The following PPP1R11 variants were observed in gnomAD, a reference collection of about 807,000 sequenced individuals.
The protein encoded by PPP1R11 is protein phosphatase 1 regulatory inhibitor subunit 11.
PPP1R11 carries 10 observed loss-of-function variants against 11.3 expected under a neutral mutation model. The ratio of observed to expected loss-of-function variants is 0.88; its 90% CI spans 0.55 to 1.50. The LOEUF is 1.50. Among genes scored for constraint, PPP1R11 ranks in the 40% most tolerant of loss-of-function variants. The probability of loss-of-function intolerance (pLI) is 0.00; values close to 1 mark genes in which losing one functional copy is unlikely to be tolerated. For synonymous variants in PPP1R11, 56 were observed against 62.3 expected, an observed-to-expected ratio of 0.90 and a Z score of 0.48; for missense variants, 114 against 179.1, an observed-to-expected ratio of 0.64 and a Z score of 2.07.
chr6:30,063,081 T>C (rs947653592), upstream of PPP1R11, among the ~76,000 whole-genome samples: 2 of 152,170 alleles, frequency 1.3e-5, no homozygotes, highest in Non-Finnish European at 2.9e-5. This position sits in a 1 kb window ranked among gnomAD's most constrained non-coding sequence, Gnocchi z 4.1. Flanking sequence ...GCAGTCACTA[T>C]AGTATATCAA....
chr6:30,065,510 T>G (rs1251176283), upstream of PPP1R11, among the ~76,000 whole-genome samples: 1 of 152,212 alleles, frequency 6.6e-6, no homozygotes, highest in Non-Finnish European at 1.5e-5. The surrounding 1 kb of genome is among the most constrained non-coding windows in gnomAD (Gnocchi z 5.3). Context: ...GTATTATAAG[T>G]ATATAATACA....
chr6:30,069,072 C>A lies in PPP1R11; in HGVS notation c.179-32C>A. On this transcript the variant is annotated intron_variant, in intron 2 of 2. Transcript: ENST00000376772. The surrounding 1 kb of genome is among the most constrained non-coding windows in gnomAD (Gnocchi z 6.6). ...CTGACTATATATCTTACCCTTCCTCCTCTTTAACTGGGCTCCTCCCTCTAA... is the reference window on the plus strand; with the variant it reads ...CTGACTATATATCTTACCCTTCCTCATCTTTAACTGGGCTCCTCCCTCTAA... 1 of 1,540,476 alleles carries A rather than the reference C, an allele frequency of 6.5e-7. No individual in the cohort carries two copies. Among genetic ancestry groups the A allele is most frequent in the Non-Finnish European group, 9.0e-7 (1 of 1,115,626 alleles).
At chr6:30,068,481 C>T in intron 1 of PPP1R11, 109 bp from the exon 2 acceptor site, 1 of 818,970 alleles carries the variant, frequency 1.2e-6, no homozygotes, top group Non-Finnish European at 2.0e-6. Flanking sequence ...GGTGCTATGC[C>T]TATGGTACTG....
chr6:30,062,730 T>A (rs962378845), upstream of PPP1R11, among the ~76,000 whole-genome samples: 9 of 118,290 alleles, frequency 7.6e-5, no homozygotes, highest in South Asian at 2.8e-4. Context: ...TTTTTTTTTT[T>A]TTTTTTTTTT....
upstream of PPP1R11, chr6:30,065,054 G>A (rs1022819075): frequency 1.0e-4 from 23 of 221,950 alleles, no homozygotes; most frequent in African/African-American, 4.8e-4. This position sits in a 1 kb window ranked among gnomAD's most constrained non-coding sequence, Gnocchi z 5.3. Context: ...AAAAGCAATT[G>A]TAAGTATTGC....
At chr6:30,068,847 G>A in intron 2 of PPP1R11, 149 bp downstream of exon 2, 1 of 782,690 alleles carries the variant, frequency 1.3e-6, no homozygotes, top group East Asian at 2.7e-5. Context: ...AGGGAAAGAG[G>A]TAGGGAAGGG....
At position 30,068,266 on chromosome 6, in the gene PPP1R11, T is replaced by A. The variant is rs370265694; in HGVS notation, c.70-324T>A. ...GGACTGAAAAATAATTTTCATGTATTAATACTACCAAGGATGATTTGGGGA... is the reference window on the plus strand; with the variant it reads ...GGACTGAAAAATAATTTTCATGTATAAATACTACCAAGGATGATTTGGGGA... On this transcript the variant is annotated intron_variant, in intron 1 of 2. Coordinates refer to ENST00000376772, the MANE Select transcript of PPP1R11 (RefSeq NM_021959.3). 65 of 204,034 alleles carry A rather than the reference T, an allele frequency of 3.2e-4. 3 individuals are homozygous for A. The highest frequency in any genetic ancestry group is 2.5e-3 in the East Asian group (23 of 9,258). 12.6% of individuals were successfully genotyped at this position (204,034 alleles called of 1,614,324 possible).
At chr6:30,062,155 G>C (rs1049626258), upstream of PPP1R11, 1 of 1,461,098 alleles carries the variant, frequency 6.8e-7, no homozygotes, top group African/African-American at 1.4e-5. Flanking sequence ...TGAGAGGCGT[G>C]ATCGCCTGAT....
At chr6:30,061,517 C>T in the PPP1R11 span, 1 of 1,612,838 alleles carries the variant, frequency 6.2e-7, no homozygotes, top group African/African-American at 1.3e-5. This position sits in a 1 kb window ranked among gnomAD's most constrained non-coding sequence, Gnocchi z 5.0. Context: ...CTCCTCAGAC[C>T]CGACCGCATG....
At chr6:30,064,355 A>G (rs1411544668), upstream of PPP1R11, among the ~76,000 whole-genome samples, 1 of 149,478 alleles carries the variant, frequency 6.7e-6, no homozygotes, top group African/African-American at 2.5e-5. Context: ...TGGCTTGCCT[A>G]TTTTCTTAAC....
the PPP1R11 span, chr6:30,061,665 T>G: frequency 6.2e-7 from 1 of 1,612,894 alleles, no homozygotes; most frequent in Non-Finnish European, 8.5e-7. The surrounding 1 kb of genome is among the most constrained non-coding windows in gnomAD (Gnocchi z 5.0). Context: ...ACATCAACGT[T>G]CGGGGTGAGA....
At chr6:30,068,530 G>C in intron 1 of PPP1R11, 60 bp from the exon 2 acceptor site, 2 of 1,371,652 alleles carry the variant, frequency 1.5e-6, no homozygotes, top group Middle Eastern at 2.6e-4. Flanking sequence ...TTCCCTGGGA[G>C]GGAGTGGGAA....
At chr6:30,068,073 A>G (rs1765666286) in intron 1 of PPP1R11, 1 of 154,518 alleles carries the variant, frequency 6.5e-6, no homozygotes, top group Admixed American at 6.5e-5. Context: ...TTTAGTAATT[A>G]ATAGATTAGT....
chr6:30,068,843 A>G (rs1206135803), intron 2 of PPP1R11, 145 bp downstream of exon 2: 3 of 800,416 alleles, frequency 3.7e-6, no homozygotes, highest in Non-Finnish European at 3.9e-6. Context: ...TATCAGGGAA[A>G]GAGGTAGGGA....
At chr6:30,065,113 A>G (rs1765401817), upstream of PPP1R11, among the ~76,000 whole-genome samples, 1 of 152,238 alleles carries the variant, frequency 6.6e-6, no homozygotes. The surrounding 1 kb of genome is among the most constrained non-coding windows in gnomAD (Gnocchi z 5.3). Flanking sequence ...AAGAAAAACT[A>G]GGAATTTGGA....
rs1241327016 is a variant in PPP1R11 at position 30,069,987 on chromosome 6, A to G, written c.*681A>G. On this transcript the variant is annotated 3_prime_UTR_variant, in exon 3 of 3. Coordinates refer to ENST00000376772, the MANE Select transcript of PPP1R11 (RefSeq NM_021959.3). The surrounding 1 kb of genome is among the most constrained non-coding windows in gnomAD (Gnocchi z 6.6). ...TGACAAAGCTGGCTTGAGATTGGTC[A>G]CTTAGAGCCGACTGTCTCCTCTGCC... The G allele has an allele frequency of 1.3e-5, 2 of 152,232 alleles. No individual in the cohort carries two copies. Among genetic ancestry groups the G allele is most frequent in the African/African-American group, 2.4e-5 (1 of 41,440 alleles). The allele number at this position is 152,232 out of a possible 1,614,324, so 9.4% of individuals were successfully genotyped here.
At chr6:30,066,860 T>C (rs528101778), upstream of PPP1R11, 439 of 154,184 alleles carry the variant, frequency 2.8e-3, 5 homozygotes, top group Non-Finnish European at 5.4e-3. Context: ...CTCCTTAAGC[T>C]TCCTCGCCGG....
chr6:30,068,849 A>G, intron 2 of PPP1R11, 151 bp downstream of exon 2: 1 of 781,752 alleles, frequency 1.3e-6, no homozygotes, highest in Non-Finnish European at 2.0e-6. Context: ...GGAAAGAGGT[A>G]GGGAAGGGCT....
upstream of PPP1R11, among the ~76,000 whole-genome samples, chr6:30,066,251 T>C (rs1190151164): frequency 6.6e-6 from 1 of 152,212 alleles, no homozygotes; most frequent in Non-Finnish European, 1.5e-5. Flanking sequence ...CCTGTCAAGC[T>C]TCATCTGGCA....
Sources: allele counts gnomAD v4.1 joint callset (sites outside exome capture counted in the v4.1 genomes callset), GRCh38; gene constraint gnomAD v4.1.1; non-coding constraint Gnocchi (gnomAD v3.1); transcripts MANE v1.5; gene names NCBI Gene and HGNC (gene_info 2026-07-23, HGNC 2026-07-21).